The following MSRA variants were observed in gnomAD, a reference collection of about 807,000 sequenced individuals.
MSRA encodes the protein methionine sulfoxide reductase A, also known as mitochondrial peptide methionine sulfoxide reductase.
A neutral mutation model predicts 31.3 loss-of-function variants in MSRA; 54 were observed. The observed-to-expected ratio is 1.73, with a 90% confidence interval of 1.39 to 2.17. The LOEUF is 2.17. Among genes scored for constraint, MSRA ranks in the 30% most tolerant of loss-of-function variants. The pLI, the probability that MSRA is intolerant of heterozygous loss-of-function variation, is 0.00. For synonymous variants in MSRA, 169 were observed against 116.5 expected, an observed-to-expected ratio of 1.45 and a Z score of -2.90; for missense variants, 507 against 300.9, an observed-to-expected ratio of 1.69 and a Z score of -5.07.
intron 1 of MSRA, among the ~76,000 whole-genome samples, chr8:10,180,825 T>C (rs1040874199): frequency 6.6e-6 from 1 of 152,240 alleles, no homozygotes; most frequent in Non-Finnish European, 1.5e-5. Context: ...ATCAGGTGTT[T>C]TTGGAAGACA....
intron 1 of MSRA, among the ~76,000 whole-genome samples, chr8:10,106,573 C>G (rs1186403504): frequency 1.3e-5 from 2 of 152,104 alleles, no homozygotes; most frequent in Non-Finnish European, 2.9e-5. Flanking sequence ...ACACACACAC[C>G]ACACACGTTT....
At chr8:10,125,666 CCA>C (rs1801448667) in intron 1 of MSRA, among the ~76,000 whole-genome samples, 1 of 152,154 alleles carries the variant, frequency 6.6e-6, no homozygotes, top group African/African-American at 2.4e-5. Context: ...TGTGTTGGTA[CCA>C]CAGTCAGCCG....
chr8:10,372,815 C>T (rs900300318), intron 5 of MSRA, among the ~76,000 whole-genome samples: 2 of 152,246 alleles, frequency 1.3e-5, no homozygotes, highest in Non-Finnish European at 2.9e-5. Context: ...AGTCTAGAAA[C>T]TCCAATAAAG....
intron 5 of MSRA, among the ~76,000 whole-genome samples, chr8:10,419,312 T>TCCC: frequency 6.6e-6 from 1 of 152,200 alleles, no homozygotes; most frequent in Non-Finnish European, 1.5e-5. Flanking sequence ...AATCCAGACC[T>TCCC]GGATTCTTGT....
At chr8:10,366,689 C>T (rs1247249352) in intron 5 of MSRA, among the ~76,000 whole-genome samples, 4 of 152,200 alleles carry the variant, frequency 2.6e-5, no homozygotes, top group Non-Finnish European at 5.9e-5. Context: ...GGCCAGGCTT[C>T]GTTGCTGGGG....
chr8:10,286,236 G>C (rs1799930308), intron 3 of MSRA, among the ~76,000 whole-genome samples: 1 of 152,122 alleles, frequency 6.6e-6, no homozygotes, highest in South Asian at 2.1e-4. Flanking sequence ...CATTGATATG[G>C]TTTGACTGTA....
At chr8:10,207,607 G>T (rs754821202) in intron 1 of MSRA, among the ~76,000 whole-genome samples, 3 of 152,158 alleles carry the variant, frequency 2.0e-5, no homozygotes, top group Non-Finnish European at 1.5e-5. Flanking sequence ...CACAAGCTCA[G>T]ACCTCAGCCT....
intron 1 of MSRA, among the ~76,000 whole-genome samples, chr8:10,066,954 C>T (rs565262760): frequency 1.3e-5 from 2 of 152,170 alleles, no homozygotes; most frequent in South Asian, 4.1e-4. Context: ...ACACTCCTCC[C>T]TGAGTTTCCC....
chr8:10,192,229 A>G (rs552250808), intron 1 of MSRA, among the ~76,000 whole-genome samples: 1 of 152,350 alleles, frequency 6.6e-6, no homozygotes, highest in Admixed American at 6.5e-5. Flanking sequence ...TGAATCACTA[A>G]GTTCGGCCTA....
chr8:10,402,159 G>T (rs576128823), intron 5 of MSRA, among the ~76,000 whole-genome samples: 1 of 152,192 alleles, frequency 6.6e-6, no homozygotes, highest in Non-Finnish European at 1.5e-5. Flanking sequence ...GAACATTGCT[G>T]AGGGTTCCTG....
chr8:10,124,017 G>A (rs953393217), intron 1 of MSRA, among the ~76,000 whole-genome samples: 1 of 151,988 alleles, frequency 6.6e-6, no homozygotes, highest in African/African-American at 2.4e-5. Context: ...GGAGGCTGAG[G>A]TTGGGGAATG....
chr8:10,264,000 T>C lies in MSRA; in HGVS notation c.331+18777T>C, dbSNP rs556780816. ...AGTTTTCTTTACTTAAAAATATTTT[T>C]TTTCACAGGCTTCAGATCTGTGTGT... On this transcript the variant is annotated intron_variant, in intron 3 of 5. Coordinates refer to ENST00000317173, the MANE Select transcript of MSRA (RefSeq NM_012331.5). Among the ~76,000 whole-genome samples the C allele has an allele frequency of 6.6e-5, 10 of 152,338 alleles. No individual in the cohort carries two copies. In the South Asian group the frequency reaches 8.3e-4, roughly 13 times the overall value.
At chr8:10,087,192 T>C (rs1293113167) in intron 1 of MSRA, among the ~76,000 whole-genome samples, 2 of 152,188 alleles carry the variant, frequency 1.3e-5, no homozygotes, top group Non-Finnish European at 2.9e-5. Flanking sequence ...TCCCAGAGCC[T>C]TACTAATTTC....
At chr8:10,342,008 A>G (rs1223574750) in intron 5 of MSRA, among the ~76,000 whole-genome samples, 1 of 152,176 alleles carries the variant, frequency 6.6e-6, no homozygotes, top group Admixed American at 6.5e-5. Flanking sequence ...GCTTTGGGGA[A>G]GCTTAACTGT....
At chr8:10,200,757 A>G (rs1808422359) in intron 1 of MSRA, among the ~76,000 whole-genome samples, 1 of 152,134 alleles carries the variant, frequency 6.6e-6, no homozygotes, top group African/African-American at 2.4e-5. Flanking sequence ...CATATCGCAC[A>G]TTGTAGGAGC....
chr8:10,199,970 C>T (rs1269766744), intron 1 of MSRA, among the ~76,000 whole-genome samples: 1 of 152,302 alleles, frequency 6.6e-6, no homozygotes, highest in South Asian at 2.1e-4. Context: ...TATGCCTCAC[C>T]AAGGTGGGTT....
At chr8:10,176,807 C>T (rs1279428446) in intron 1 of MSRA, among the ~76,000 whole-genome samples, 1 of 152,292 alleles carries the variant, frequency 6.6e-6, no homozygotes, top group South Asian at 2.1e-4. Context: ...CTCCTGCCAT[C>T]ACTCTCAGAA....
At chr8:10,419,069 C>A (rs944470303) in intron 5 of MSRA, among the ~76,000 whole-genome samples, 1 of 152,040 alleles carries the variant, frequency 6.6e-6, no homozygotes, top group South Asian at 2.1e-4. Flanking sequence ...ACATGCAGGC[C>A]CCTCCCTCCC....
At chr8:10,131,543 G>T (rs1310132776) in intron 1 of MSRA, among the ~76,000 whole-genome samples, 2 of 152,212 alleles carry the variant, frequency 1.3e-5, no homozygotes, top group Non-Finnish European at 2.9e-5. Flanking sequence ...ACTCCTGACC[G>T]TTGAGAGAAT....
Sources: allele counts gnomAD v4.1 joint callset (sites outside exome capture counted in the v4.1 genomes callset), GRCh38; gene constraint gnomAD v4.1.1; transcripts MANE v1.5; gene names NCBI Gene and HGNC (gene_info 2026-07-23, HGNC 2026-07-21).